The following UMAD1 variants were observed in gnomAD, a reference collection of about 807,000 sequenced individuals.
UMAD1 encodes UBAP1-MVB12-associated (UMA)-domain containing protein 1.
Under a neutral mutation model 6.1 loss-of-function variants are expected in UMAD1, and 8 were observed. The ratio of observed to expected loss-of-function variants is 1.30; its 90% CI spans 0.76 to 2.35. The LOEUF is 2.35. UMAD1 is among the 30% of genes most tolerant of loss of function. UMAD1 has a pLI of 0.00. For missense variants in UMAD1, 130 were observed against 78.4 expected (o/e 1.66, Z -2.49); for synonymous variants, 56 against 31.4 (o/e 1.78, Z -2.61).
At chr7:7,658,476 A>T (rs1166332146) in intron 1 of UMAD1, among the ~76,000 whole-genome samples, 3 of 152,208 alleles carry the variant, frequency 2.0e-5, no homozygotes, top group Non-Finnish European at 4.4e-5. Context: ...TTATTTTGAG[A>T]TACATTCCAT....
intron 2 of UMAD1, among the ~76,000 whole-genome samples, chr7:7,704,330 T>C (rs35639902): frequency 0.051 from 7,688 of 152,232 alleles, 247 homozygotes; most frequent in Middle Eastern, 0.12. Flanking sequence ...AAAATTTGTT[T>C]TGAAGTTTTG....
chr7:7,873,829 A>G (rs1339992890), intron 3 of UMAD1, among the ~76,000 whole-genome samples: 2 of 152,140 alleles, frequency 1.3e-5, no homozygotes, highest in Non-Finnish European at 2.9e-5. Context: ...ATCAAAAGAA[A>G]CTTTTCTTGA....
At chr7:7,763,091 C>A (rs979355834) in intron 2 of UMAD1, among the ~76,000 whole-genome samples, 2 of 151,882 alleles carry the variant, frequency 1.3e-5, no homozygotes, top group African/African-American at 4.8e-5. Context: ...ATGTTTTGAG[C>A]ATAGGATACA....
At chr7:7,815,490 C>G (rs2115289653) in intron 3 of UMAD1, among the ~76,000 whole-genome samples, 1 of 152,180 alleles carries the variant, frequency 6.6e-6, no homozygotes, top group Admixed American at 6.5e-5. Flanking sequence ...CTTAATTTTT[C>G]TCATGTGACA....
rs1438146567 is a variant in UMAD1 at position 7,878,809 on chromosome 7, A to G, written c.*1271A>G. 1.3e-5 allele frequency: 2 copies of G among 152,220 alleles called. No individual in the cohort carries two copies. The highest frequency in any genetic ancestry group is 4.8e-5 in the African/African-American group (2 of 41,466). 9.4% of individuals were successfully genotyped at this position (152,220 alleles called of 1,614,324 possible). On this transcript the variant is annotated 3_prime_UTR_variant, in exon 4 of 4. Transcript: ENST00000682710. The stretch of plus-strand genomic sequence containing the variant: ...GTGGCATGGTTTTAATACAAATGCT[A>G]TGTTATTTAAAAGTTAGAGGAACAT...
At chr7:7,751,363 T>A (rs182895181) in intron 2 of UMAD1, among the ~76,000 whole-genome samples, 15 of 152,322 alleles carry the variant, frequency 9.8e-5, no homozygotes, top group African/African-American at 2.6e-4. Context: ...AGACTAGATG[T>A]GCCAATGCAA....
At chr7:7,775,649 C>A (rs1782190513) in intron 2 of UMAD1, among the ~76,000 whole-genome samples, 3 of 152,104 alleles carry the variant, frequency 2.0e-5, no homozygotes, top group Admixed American at 2.0e-4. Flanking sequence ...AAAGACTGAC[C>A]ATACCAAATG....
intron 3 of UMAD1, chr7:7,868,733 A>T (rs1174454833): frequency 3.9e-5 from 6 of 152,180 alleles, no homozygotes; most frequent in African/African-American, 1.4e-4. Context: ...TCTAGGCAAA[A>T]CTAACACCTA....
intron 2 of UMAD1, among the ~76,000 whole-genome samples, chr7:7,776,946 T>C (rs1016341868): frequency 6.6e-5 from 10 of 152,236 alleles, no homozygotes; most frequent in Non-Finnish European, 1.5e-5. Context: ...TTATGTATTC[T>C]TTCAGAGTTT....
intron 2 of UMAD1, among the ~76,000 whole-genome samples, chr7:7,800,231 C>A (rs1394876455): frequency 4.6e-5 from 7 of 152,218 alleles, no homozygotes; most frequent in Non-Finnish European, 2.9e-5. Context: ...CTAATTTATT[C>A]ATCTAATGTT....
chr7:7,812,917 C>T (rs953516147), intron 3 of UMAD1, among the ~76,000 whole-genome samples: 22 of 151,662 alleles, frequency 1.5e-4, no homozygotes, highest in African/African-American at 4.4e-4. Context: ...AGCTTAAGTG[C>T]AGCCATTTTT....
intron 3 of UMAD1, among the ~76,000 whole-genome samples, chr7:7,860,667 C>T (rs544249976): frequency 4.0e-5 from 6 of 148,300 alleles, no homozygotes; most frequent in East Asian, 2.0e-4. Context: ...CCCAGTTACT[C>T]GGGAGGCTGA....
At chr7:7,664,109 AG>A (rs1779370064) in intron 1 of UMAD1, among the ~76,000 whole-genome samples, 1 of 152,246 alleles carries the variant, frequency 6.6e-6, no homozygotes, top group Non-Finnish European at 1.5e-5. Context: ...TTTAAAACCT[AG>A]ATTTTTACAT....
chr7:7,856,791 T>G (rs10230493), intron 3 of UMAD1, among the ~76,000 whole-genome samples: 1 of 152,202 alleles, frequency 6.6e-6, no homozygotes, highest in South Asian at 2.1e-4. Flanking sequence ...CAGAAAAGCA[T>G]ATACTTTACA....
chr7:7,847,332 A>G (rs1208852151), intron 3 of UMAD1, among the ~76,000 whole-genome samples: 1 of 148,712 alleles, frequency 6.7e-6, no homozygotes, highest in Non-Finnish European at 1.5e-5. Context: ...AGCTTTGTGT[A>G]TATATATATA....
rs77549870 is a variant in UMAD1, at chr7:7,765,197, C to G, written c.83-36473C>G. On this transcript the variant is annotated intron_variant, in intron 2 of 3. Coordinates refer to ENST00000682710, the MANE Select transcript of UMAD1 (RefSeq NM_001302348.2). ...TCAAGTTCCTTCACTCATATCTTGC[C>G]TCTCATCAGTTTACTCTATGTATCT... Among the ~76,000 whole-genome samples the G allele has an allele frequency of 4.2e-3, 643 of 152,188 alleles. 7 individuals carry two copies. The highest frequency in any genetic ancestry group is 0.015 in the African/African-American group (610 of 41,508).
intron 2 of UMAD1, among the ~76,000 whole-genome samples, chr7:7,673,710 CCT>C (rs377498749): frequency 1.1e-3 from 151 of 132,354 alleles, no homozygotes; most frequent in Admixed American, 1.6e-3. Context: ...TTTTTCCCCC[CCT>C]TTTTTTTTTT....
At chr7:7,700,976 G>C (rs1239348206) in intron 2 of UMAD1, among the ~76,000 whole-genome samples, 1 of 152,188 alleles carries the variant, frequency 6.6e-6, no homozygotes, top group Non-Finnish European at 1.5e-5. Flanking sequence ...CTTGAGCCCA[G>C]GAGTTTGAGG....
intron 2 of UMAD1, among the ~76,000 whole-genome samples, chr7:7,759,216 G>A (rs1390278955): frequency 1.3e-5 from 2 of 152,174 alleles, no homozygotes; most frequent in African/African-American, 4.8e-5. Context: ...AGTGTATGTA[G>A]TGTTAGAAAC....
Sources: allele counts gnomAD v4.1 joint callset (sites outside exome capture counted in the v4.1 genomes callset), GRCh38; gene constraint gnomAD v4.1.1; transcripts MANE v1.5; gene names NCBI Gene and HGNC (gene_info 2026-07-23, HGNC 2026-07-21).